Variants in EPS8 observed in about 807,000 individuals in gnomAD.
EPS8 encodes EGFR pathway substrate 8, signaling adaptor.
Under a neutral mutation model 103.8 loss-of-function variants are expected in EPS8, and 42 were observed. The ratio of observed to expected loss-of-function variants is 0.40; its 90% CI spans 0.32 to 0.52. EPS8 has a LOEUF of 0.52. Among genes scored for constraint, EPS8 ranks in the 20% least tolerant of loss-of-function variants. The probability of loss-of-function intolerance (pLI) is 0.40; values close to 1 mark genes in which losing one functional copy is unlikely to be tolerated. For missense variants in EPS8, 969 were observed against 1,005.1 expected (o/e 0.96, Z 0.49); for synonymous variants, 344 against 344.6 (o/e 1.00, Z 0.02).
In EPS8 at chr12:15,733,090, A is replaced by G. The variant is rs1946734958; in HGVS notation, c.-21-50118T>C. 6.6e-6 allele frequency among the ~76,000 whole-genome samples: 1 copy of G among 152,196 alleles called. No homozygotes were observed. Among genetic ancestry groups the G allele is most frequent in the Non-Finnish European group, 1.5e-5 (1 of 68,036 alleles). The stretch of plus-strand genomic sequence containing the variant: ...ATTCCTCTCCCAAAACAGATACTGG[A>G]AAGAAATATAATGTATTCGTCCATT... On this transcript the variant is annotated intron_variant, in intron 1 of 20. Transcript: ENST00000281172. This position sits in a 1 kb window ranked among gnomAD's most constrained non-coding sequence, Gnocchi z 4.8.
At chr12:15,656,162 A>G (rs1243226232) in intron 12 of EPS8, among the ~76,000 whole-genome samples, 1 of 152,206 alleles carries the variant, frequency 6.6e-6, no homozygotes, top group East Asian at 1.9e-4. Context: ...AGTGTGTGAA[A>G]TAAATAAGAG....
rs1947018455 is a variant in EPS8, at chr12:15,759,306, T to A, written c.-22+29855A>T. ...TGAATAGTTTCTTGCCAAATAAATG[T>A]ATATTATGCTTTGAAGGCAACAATT... On this transcript the variant is annotated intron_variant, in intron 1 of 20. Transcript: ENST00000281172. The surrounding 1 kb of genome is among the most constrained non-coding windows in gnomAD (Gnocchi z 4.9). Among the ~76,000 whole-genome samples, 1 of 152,114 alleles carries A rather than the reference T, an allele frequency of 6.6e-6. No individual in the cohort carries two copies. Among genetic ancestry groups the A allele is most frequent in the African/African-American group, 2.4e-5 (1 of 41,444 alleles).
intron 1 of EPS8, among the ~76,000 whole-genome samples, chr12:15,730,244 G>A (rs577625962): frequency 6.6e-6 from 1 of 152,100 alleles, no homozygotes; most frequent in Non-Finnish European, 1.5e-5. Context: ...TTATGAAATA[G>A]GTATGATAAT....
intron 3 of EPS8, chr12:15,671,742 C>T (rs1945821955): frequency 6.6e-6 from 1 of 152,092 alleles, no homozygotes; most frequent in African/African-American, 2.4e-5. Flanking sequence ...TGAGTGCCAT[C>T]TCTGCACAGG....
chr12:15,675,195 C>T (rs1319272425), intron 3 of EPS8, among the ~76,000 whole-genome samples: 3 of 152,164 alleles, frequency 2.0e-5, no homozygotes, highest in African/African-American at 7.2e-5. Flanking sequence ...TTATAGGTTA[C>T]TTATACTCAA....
intron 18 of EPS8, among the ~76,000 whole-genome samples, chr12:15,628,191 CT>C (rs1233614932): frequency 4.6e-5 from 7 of 151,928 alleles, no homozygotes; most frequent in Admixed American, 3.9e-4. Flanking sequence ...CATTAGCTAC[CT>C]TTTAAAAAAT....
chr12:15,766,588 G>A (rs1030624149), intron 1 of EPS8, among the ~76,000 whole-genome samples: 1 of 151,028 alleles, frequency 6.6e-6, no homozygotes, highest in Non-Finnish European at 1.5e-5. Flanking sequence ...TGAGGCAGGA[G>A]AATTGCCTGA....
At chr12:15,730,531 G>A (rs992786018) in intron 1 of EPS8, among the ~76,000 whole-genome samples, 3 of 152,188 alleles carry the variant, frequency 2.0e-5, no homozygotes, top group Non-Finnish European at 4.4e-5. Flanking sequence ...ACTAGAACTA[G>A]ACTATAATTG....
Position 15,764,805 on chromosome 12 carries a change from T to G in EPS8, c.-22+24356A>C, listed in dbSNP as rs553512778. ...AAGCTCTCATCTTGAGATAAGAACA[T>G]CAGGTCTCATACTTTCTGGGGAATG... On this transcript the variant is annotated intron_variant, in intron 1 of 20. Transcript: ENST00000281172. The surrounding 1 kb of genome is among the most constrained non-coding windows in gnomAD (Gnocchi z 4.1). Among the ~76,000 whole-genome samples, 6 of 152,290 alleles carry G rather than the reference T, an allele frequency of 3.9e-5. No homozygotes were observed. The South Asian group carries it at 1.2e-3, about 32-fold the overall frequency.
intron 1 of EPS8, among the ~76,000 whole-genome samples, chr12:15,685,304 C>T (rs1946076799): frequency 2.0e-5 from 3 of 152,020 alleles, no homozygotes; most frequent in Admixed American, 2.0e-4. Context: ...GTCTTCCGAG[C>T]TCACAGTGCT....
At chr12:15,710,467 C>G (rs1026701200) in intron 1 of EPS8, among the ~76,000 whole-genome samples, 1 of 152,146 alleles carries the variant, frequency 6.6e-6, no homozygotes, top group African/African-American at 2.4e-5. Flanking sequence ...TCATTCAGCT[C>G]AGATCTTACA....
intron 1 of EPS8, among the ~76,000 whole-genome samples, chr12:15,743,815 A>T (rs1193294298): frequency 6.6e-6 from 1 of 152,240 alleles, no homozygotes; most frequent in African/African-American, 2.4e-5. Flanking sequence ...ACCCTAGAAG[A>T]AACCCTAGGC....
At chr12:15,699,927 G>C (rs527788965) in intron 1 of EPS8, among the ~76,000 whole-genome samples, 2 of 152,164 alleles carry the variant, frequency 1.3e-5, no homozygotes, top group Non-Finnish European at 2.9e-5. Flanking sequence ...AGGCTAAAGT[G>C]GGCAGATCAT....
In EPS8 at chr12:15,738,062, T is replaced by G. The variant is rs1157191447; in HGVS notation, c.-22+51099A>C. The stretch of plus-strand genomic sequence containing the variant: ...GCTCTTCACAGAAATATTTTTTATT[T>G]TAATTTTGTATATAAACTACCGAAA... On this transcript the variant is annotated intron_variant, in intron 1 of 20. Coordinates refer to ENST00000281172, the MANE Select transcript of EPS8 (RefSeq NM_004447.6). This position sits in a 1 kb window ranked among gnomAD's most constrained non-coding sequence, Gnocchi z 6.2. Among the ~76,000 whole-genome samples, 2 of 152,208 alleles carry G rather than the reference T, an allele frequency of 1.3e-5. No homozygotes were observed. The highest frequency in any genetic ancestry group is 2.9e-5 in the Non-Finnish European group (2 of 68,022).
chr12:15,742,663 CAT>C (rs1403421514), intron 1 of EPS8, among the ~76,000 whole-genome samples: 6 of 152,318 alleles, frequency 3.9e-5, no homozygotes, highest in Admixed American at 6.5e-5. Flanking sequence ...ACAAAAACCA[CAT>C]GATTATCTCA....
intron 1 of EPS8, among the ~76,000 whole-genome samples, chr12:15,692,972 C>T (rs1362379173): frequency 6.6e-6 from 1 of 152,096 alleles, no homozygotes; most frequent in African/African-American, 2.4e-5. Context: ...CTCTTTATGA[C>T]AATTTCCTTG....
intron 1 of EPS8, among the ~76,000 whole-genome samples, chr12:15,707,763 CAG>C (rs1231749938): frequency 6.6e-6 from 1 of 152,132 alleles, no homozygotes; most frequent in Non-Finnish European, 1.5e-5. Context: ...TTATGTACCA[CAG>C]AGTTACAAGT....
At chr12:15,723,060 A>T (rs1350253836) in intron 1 of EPS8, among the ~76,000 whole-genome samples, 1 of 151,958 alleles carries the variant, frequency 6.6e-6, no homozygotes, top group Non-Finnish European at 1.5e-5. Context: ...AGGGTGGCTC[A>T]TGTCTATAAT....
rs1946674459 is a variant in EPS8, at chr12:15,728,069, A to C, written c.-21-45097T>G. 6.6e-6 allele frequency: 1 copy of C among 152,230 alleles called. No homozygotes were observed. The highest frequency in any genetic ancestry group is 1.5e-5 in the Non-Finnish European group (1 of 68,040). The allele number at this position is 152,230 out of a possible 1,614,324, so 9.4% of individuals were successfully genotyped here. On this transcript the variant is annotated intron_variant, in intron 1 of 20. Coordinates refer to ENST00000281172, the MANE Select transcript of EPS8 (RefSeq NM_004447.6). This position sits in a 1 kb window ranked among gnomAD's most constrained non-coding sequence, Gnocchi z 4.5. ...TTAGCACTGAAAGGGAATAATCAAC[A>C]GATTAAAAAGCATTGATGTAGCTAA...
Sources: allele counts gnomAD v4.1 joint callset (sites outside exome capture counted in the v4.1 genomes callset), GRCh38; gene constraint gnomAD v4.1.1; non-coding constraint Gnocchi (gnomAD v3.1); transcripts MANE v1.5; gene names NCBI Gene and HGNC (gene_info 2026-07-23, HGNC 2026-07-21).